SAMD3: variants seen among roughly 807,000 people sequenced by gnomAD.
The protein encoded by SAMD3 is sterile alpha motif domain containing 3.
In SAMD3, 63 loss-of-function variants were observed where a neutral mutation model predicts 58.5. That is an observed-to-expected ratio of 1.08 (90% CI 0.88 to 1.33). The LOEUF (loss-of-function observed/expected upper bound fraction) is 1.33, where lower values mean the gene tolerates loss of function less well. Among genes scored for constraint, SAMD3 ranks in the 40% most tolerant of loss-of-function variants. SAMD3 has a pLI of 0.00. For missense variants in SAMD3, 604 were observed against 608.4 expected (o/e 0.99, Z 0.08); for synonymous variants, 220 against 210.3 (o/e 1.05, Z -0.40).
At chr6:130,206,133 G>C (rs1582921102) in intron 5 of SAMD3, among the ~76,000 whole-genome samples, 1 of 152,194 alleles carries the variant, frequency 6.6e-6, no homozygotes, top group Admixed American at 6.5e-5. Context: ...ACTTCACCCT[G>C]TCTTTATGGG....
upstream of SAMD3, among the ~76,000 whole-genome samples, chr6:130,224,693 A>C (rs367611584): frequency 7.9e-5 from 12 of 151,726 alleles, no homozygotes; most frequent in East Asian, 1.5e-3. Context: ...ATCTCAGCTC[A>C]CTGCAACTTC....
At chr6:130,164,782 C>T (rs1454195656) in intron 8 of SAMD3, among the ~76,000 whole-genome samples, 3 of 152,078 alleles carry the variant, frequency 2.0e-5, no homozygotes, top group Non-Finnish European at 4.4e-5. Context: ...ATCTTTAATG[C>T]TCATGTCACA....
chr6:130,346,844 T>G (rs908244371), intron 1 of SAMD3, among the ~76,000 whole-genome samples: 14 of 152,154 alleles, frequency 9.2e-5, no homozygotes, highest in African/African-American at 3.4e-4. Context: ...AGGGGTGGAC[T>G]GACACCTCAC....
At chr6:130,182,894 A>G (rs2114700524) in intron 7 of SAMD3, 1 of 157,178 alleles carries the variant, frequency 6.4e-6, no homozygotes. Flanking sequence ...CATATGGCAT[A>G]TAGAGATACA....
chr6:130,169,496 A>G (rs549742630), intron 8 of SAMD3, among the ~76,000 whole-genome samples: 163 of 152,320 alleles, frequency 1.1e-3, no homozygotes, highest in African/African-American at 3.7e-3. Flanking sequence ...TTGTCTCTGT[A>G]GACGTCAACA....
intron 2 of SAMD3, among the ~76,000 whole-genome samples, chr6:130,244,141 T>C (rs1340220836): frequency 2.0e-5 from 3 of 152,234 alleles, no homozygotes; most frequent in Admixed American, 6.5e-5. Context: ...TTGGGCTATG[T>C]AATTTAGTTT....
chr6:130,158,858 C>G (rs1394376954), intron 8 of SAMD3, among the ~76,000 whole-genome samples: 1 of 152,266 alleles, frequency 6.6e-6, no homozygotes, highest in East Asian at 1.9e-4. Context: ...AGGAGAGGCC[C>G]ACGACCAGTC....
chr6:130,173,584 G>A (rs552733209), intron 8 of SAMD3, among the ~76,000 whole-genome samples: 5 of 152,232 alleles, frequency 3.3e-5, no homozygotes, highest in Non-Finnish European at 5.9e-5. Context: ...CCAGATGCCA[G>A]CCAGAGCTCT....
chr6:130,229,955 G>T (rs1431612184), intron 2 of SAMD3, among the ~76,000 whole-genome samples: 2 of 152,160 alleles, frequency 1.3e-5, no homozygotes, highest in Non-Finnish European at 2.9e-5. Context: ...CACAGCTGGA[G>T]AAATTATTTT....
At chr6:130,230,170 T>G (rs1796502162) in intron 2 of SAMD3, among the ~76,000 whole-genome samples, 1 of 152,200 alleles carries the variant, frequency 6.6e-6, no homozygotes, top group South Asian at 2.1e-4. Context: ...AAGCTATTAC[T>G]TCGAGCCTAT....
At chr6:130,275,472 A>G (rs955302976) in intron 2 of SAMD3, among the ~76,000 whole-genome samples, 1 of 152,178 alleles carries the variant, frequency 6.6e-6, no homozygotes, top group Non-Finnish European at 1.5e-5. Context: ...GGGCTGAATT[A>G]CACTGAACTT....
At chr6:130,183,408 G>A (rs142270342) in intron 7 of SAMD3, 41 of 453,934 alleles carry the variant, frequency 9.0e-5, no homozygotes, top group Non-Finnish European at 1.7e-4. Context: ...TTTTTATCAG[G>A]ACAGAAAGCA....
intron 2 of SAMD3, among the ~76,000 whole-genome samples, chr6:130,305,022 T>C (rs2114979715): frequency 6.8e-6 from 1 of 147,582 alleles, no homozygotes; most frequent in Non-Finnish European, 1.5e-5. Context: ...GTAGCCTCTG[T>C]CTCCTGTGTT....
chr6:130,323,802 C>CAAAAAAAA lies in SAMD3; in HGVS notation c.-303-10717_-303-10710dup, dbSNP rs766078214. Among the ~76,000 whole-genome samples, 519 of 53,482 alleles carry CAAAAAAAA rather than the reference C, an allele frequency of 9.7e-3. 66 individuals carry two copies. The highest frequency in any genetic ancestry group is 0.048 in the Middle Eastern group (3 of 62). 35.1% of individuals were successfully genotyped at this position (53,482 alleles called of 152,430 possible). On this transcript the variant is annotated intron_variant, in intron 1 of 13. Transcript: ENST00000368134. Reference sequence around the variant, plus strand: ...TGGGTCACAGAGGTAGACTCTGTCTCAAAAAAAAAAAAAAAAAAAAAAAGA... The same window carrying CAAAAAAAA: ...TGGGTCACAGAGGTAGACTCTGTCTCAAAAAAAAAAAAAAAAAAAAAAAAAAAAAAAGA...
chr6:130,365,047 T>C, intron 1 of SAMD3: 1 of 321,814 alleles, frequency 3.1e-6, no homozygotes, highest in Non-Finnish European at 4.5e-6. Context: ...GCACACACCT[T>C]GTGCATGCGG....
At chr6:130,190,968 T>C (rs1421250163) in intron 5 of SAMD3, among the ~76,000 whole-genome samples, 2 of 151,894 alleles carry the variant, frequency 1.3e-5, no homozygotes, top group Admixed American at 6.6e-5. Context: ...TGGGAACCAA[T>C]GTAGAATTTA....
intron 7 of SAMD3, chr6:130,183,242 C>G (rs1792550151): frequency 2.5e-6 from 1 of 405,902 alleles, no homozygotes; most frequent in South Asian, 1.9e-5. Flanking sequence ...AACTGCTGCC[C>G]CAGAGAATTG....
intron 8 of SAMD3, among the ~76,000 whole-genome samples, chr6:130,155,275 C>G (rs947886530): frequency 6.6e-6 from 1 of 152,136 alleles, no homozygotes; most frequent in South Asian, 2.1e-4. Context: ...CTACGTTATC[C>G]TTTTATATAG....
chr6:130,309,340 C>T (rs908476442), intron 2 of SAMD3, among the ~76,000 whole-genome samples: 1 of 152,184 alleles, frequency 6.6e-6, no homozygotes, highest in African/African-American at 2.4e-5. Context: ...CTTTCCTTAT[C>T]TGTAAAATGG....
Sources: gnomAD v4.1 joint callset for allele counts (sites outside exome capture counted in the v4.1 genomes callset) on GRCh38, gnomAD v4.1.1 for gene constraint, MANE v1.5 for transcripts, NCBI Gene and HGNC (gene_info 2026-07-23, HGNC 2026-07-21) for gene names.